The following GPCPD1 variants were observed in gnomAD, a reference collection of about 807,000 sequenced individuals.
GPCPD1 encodes glycerophosphocholine phosphodiesterase 1.
In GPCPD1, 29 loss-of-function variants were observed where a neutral mutation model predicts 89.2. The ratio of observed to expected loss-of-function variants is 0.33; its 90% confidence interval spans 0.24 to 0.44. The LOEUF is 0.44. Ranked by LOEUF, GPCPD1 falls within the 20% of genes least tolerant of loss-of-function variation. The pLI, the probability that GPCPD1 is intolerant of heterozygous loss-of-function variation, is 1.00. For synonymous variants in GPCPD1, 258 were observed against 266.3 expected (o/e 0.97, Z 0.30); for missense variants, 594 against 808.9 (o/e 0.73, Z 3.22).
At position 5,582,186 on chromosome 20, in the gene GPCPD1, CAAAAAAAAAAAAAAAA is replaced by C. The variant is rs1164754193; in HGVS notation, c.350-2071_350-2056del. On this transcript the variant is annotated intron_variant, in intron 6 of 19. Transcript: ENST00000379019. ...GGGCGACAGAGCGAGACTCCCGTCT[CAAAAAAAAAAAAAAAA>C]AAAAAAAAAAAAAAAAACTACTACT... Among the ~76,000 whole-genome samples, 328 of 36,306 alleles carry C rather than the reference CAAAAAAAAAAAAAAAA, an allele frequency of 9.0e-3. 1 individual carries two copies. Among genetic ancestry groups the C allele is most frequent in the Middle Eastern group, 0.025 (1 of 40 alleles). 23.8% of individuals were successfully genotyped at this position (36,306 alleles called of 152,430 possible). A position where few individuals can be genotyped will look rare whatever the true frequency, so the allele number is the denominator to read the frequency against.
At position 5,580,087 on chromosome 20, in the gene GPCPD1, C is replaced by T; in HGVS notation, c.394G>A (p.Glu132Lys). The change falls in exon 7 of 20, where the codon GAA becomes AAA. Residue 132 changes from glutamate to lysine, a missense_variant. Physicochemically the swap from Glu to Lys is moderately conservative, Grantham distance 56. Coordinates refer to ENST00000379019, the MANE Select transcript of GPCPD1 (RefSeq NM_019593.5). Reference sequence around the variant, plus strand: ...GAATAATGCAAACGTAATCTTATTTCAGTCTGACATGTCAGCCATCCAGAA... The same window carrying T: ...GAATAATGCAAACGTAATCTTATTTTAGTCTGACATGTCAGCCATCCAGAA... The part of the protein sequence containing the change: ...LDSGWLTCQT[E>K]IRLRLHYSEK... The T allele has an allele frequency of 6.7e-7, 1 of 1,495,478 alleles. No individual in the cohort carries two copies. Among genetic ancestry groups the T allele is most frequent in the Non-Finnish European group, 9.3e-7 (1 of 1,072,854 alleles). 92.6% of individuals were successfully genotyped at this position (1,495,478 alleles called of 1,614,324 possible). A position where few individuals can be genotyped will look rare whatever the true frequency, so the allele number is the denominator to read the frequency against.
Position 5,584,141 on chromosome 20 carries a change from G to GT in GPCPD1, c.349+139dup, listed in dbSNP as rs1978747423. On this transcript the variant is annotated intron_variant, in intron 6 of 19. Coordinates refer to ENST00000379019, the MANE Select transcript of GPCPD1 (RefSeq NM_019593.5). ...ATCATATGAGACTGCTGCTGCACGTGTGGCCTGTCTTTGACCAAAATATCG... is the reference window on the plus strand; with the variant it reads ...ATCATATGAGACTGCTGCTGCACGTGTTGGCCTGTCTTTGACCAAAATATCG... The GT allele has an allele frequency of 2.6e-5, 13 of 505,478 alleles. No individual in the cohort carries two copies. The Admixed American group carries it at 4.8e-4, about 19-fold the overall frequency. 31.3% of individuals were successfully genotyped at this position (505,478 alleles called of 1,614,324 possible).
chr20:5,607,312 G>A (rs238297), intron 1 of GPCPD1, among the ~76,000 whole-genome samples: 1 of 151,306 alleles, frequency 6.6e-6, no homozygotes, highest in Admixed American at 6.6e-5. Context: ...AAGAAAAAAG[G>A]CCGGGCATGG....
chr20:5,585,028 G>A (rs1978817053), intron 5 of GPCPD1: 1 of 152,022 alleles, frequency 6.6e-6, no homozygotes, highest in African/African-American at 2.4e-5. Flanking sequence ...AGATTCTCTG[G>A]TAAGTTTCAC....
chr20:5,571,352 TTTTTTTGG>T (rs1271021375), intron 11 of GPCPD1, among the ~76,000 whole-genome samples: 38 of 152,244 alleles, frequency 2.5e-4, no homozygotes, highest in Admixed American at 1.3e-4. Flanking sequence ...AGCTTTCTAA[TTTTTTTGG>T]TTTTAGACAA....
chr20:5,595,754 C>T (rs1979673500), intron 3 of GPCPD1, among the ~76,000 whole-genome samples: 1 of 151,390 alleles, frequency 6.6e-6, no homozygotes, highest in Admixed American at 6.6e-5. Context: ...CAGGTGGACT[C>T]TTCCAATTAA....
intron 15 of GPCPD1, among the ~76,000 whole-genome samples, chr20:5,562,782 T>C (rs1986163468): frequency 6.6e-6 from 1 of 152,162 alleles, no homozygotes; most frequent in Non-Finnish European, 1.5e-5. Flanking sequence ...TAAAACAGTT[T>C]GTATTCAATT....
chr20:5,578,149 CA>C (rs1455629742), intron 8 of GPCPD1, among the ~76,000 whole-genome samples: 1 of 152,170 alleles, frequency 6.6e-6, no homozygotes, highest in Non-Finnish European at 1.5e-5. Flanking sequence ...ATACAGGCAT[CA>C]AAGACATCTG....
chr20:5,608,251 T>C (rs1012040136), intron 1 of GPCPD1, among the ~76,000 whole-genome samples: 1 of 152,122 alleles, frequency 6.6e-6, no homozygotes, highest in Non-Finnish European at 1.5e-5. Flanking sequence ...AACTTAGCGG[T>C]AAACAGCTGC....
At chr20:5,607,400 G>A (rs1980662065) in intron 1 of GPCPD1, among the ~76,000 whole-genome samples, 1 of 151,818 alleles carries the variant, frequency 6.6e-6, no homozygotes, top group Non-Finnish European at 1.5e-5. Context: ...AGACCAGCCT[G>A]GCCAACATCT....
chr20:5,577,122 T>C (rs1035715645), intron 8 of GPCPD1, among the ~76,000 whole-genome samples: 109 of 141,400 alleles, frequency 7.7e-4, no homozygotes, highest in Middle Eastern at 7.9e-3. Flanking sequence ...TGGAGTGCAG[T>C]GGTGTGATCT....
intron 1 of GPCPD1, among the ~76,000 whole-genome samples, chr20:5,606,309 C>A (rs1262832445): frequency 1.3e-5 from 2 of 152,148 alleles, no homozygotes; most frequent in Non-Finnish European, 2.9e-5. Flanking sequence ...TTGCCCCCCC[C>A]ACCAATGTTA....
intron 2 of GPCPD1, among the ~76,000 whole-genome samples, chr20:5,602,391 T>C (rs529676609): frequency 1.1e-4 from 17 of 152,328 alleles, no homozygotes; most frequent in African/African-American, 4.1e-4. Flanking sequence ...TCCACGGAAG[T>C]GGCCACACAC....
At chr20:5,600,122 G>A (rs1331210548) in intron 2 of GPCPD1, among the ~76,000 whole-genome samples, 2 of 152,238 alleles carry the variant, frequency 1.3e-5, no homozygotes, top group Non-Finnish European at 2.9e-5. Flanking sequence ...GAACAGCTGG[G>A]ATTCCAAGCT....
intron 12 of GPCPD1, 100 bp downstream of exon 12, chr20:5,570,047 C>A: frequency 5.4e-6 from 3 of 553,484 alleles, no homozygotes; most frequent in South Asian, 2.8e-5. Flanking sequence ...ATGAATTAAC[C>A]AATTCTATTT....
chr20:5,589,982 AT>A (rs1979212681), intron 4 of GPCPD1, among the ~76,000 whole-genome samples: 1 of 152,220 alleles, frequency 6.6e-6, no homozygotes, highest in Non-Finnish European at 1.5e-5. Context: ...TAACAAAAAT[AT>A]TTTTAAAAAT....
chr20:5,591,817 T>C (rs1466003880), intron 4 of GPCPD1, among the ~76,000 whole-genome samples: 1 of 152,210 alleles, frequency 6.6e-6, no homozygotes, highest in Admixed American at 6.5e-5. Flanking sequence ...ATTTACTCGA[T>C]TCCATGAAAA....
In GPCPD1 at chr20:5,597,857, A is replaced by G. The variant is rs907356276; in HGVS notation, c.146+868T>C. On this transcript the variant is annotated intron_variant, in intron 3 of 19. Transcript: ENST00000379019. ...CATACTAAGTTTACTGATGGATTCA[A>G]TGCCACTAGTGAATACATTTCTTCA... Among the ~76,000 whole-genome samples the G allele has an allele frequency of 4.8e-4, 73 of 152,204 alleles. 1 individual carries two copies. Among genetic ancestry groups the G allele is most frequent in the African/African-American group, 1.6e-3 (66 of 41,448 alleles).
chr20:5,600,912 C>T (rs1980087140), intron 2 of GPCPD1, among the ~76,000 whole-genome samples: 1 of 152,074 alleles, frequency 6.6e-6, no homozygotes, highest in Admixed American at 6.6e-5. Flanking sequence ...ATCGCTTGAA[C>T]CTGGCAGGTG....
Sources: gnomAD v4.1 joint callset for allele counts (sites outside exome capture counted in the v4.1 genomes callset) on GRCh38, gnomAD v4.1.1 for gene constraint, MANE v1.5 for transcripts, NCBI Gene and HGNC (gene_info 2026-07-23, HGNC 2026-07-21) for gene names.